Variants in KRABD3 observed in about 807,000 individuals in gnomAD.
KRABD3 encodes the protein KRAB domain-containing protein 3.
the KRABD3 span, chr7:149,728,772 A>T: frequency 7.3e-7 from 1 of 1,361,756 alleles, no homozygotes; most frequent in Non-Finnish European, 9.9e-7. Flanking sequence ...CTGAGCCAAC[A>T]TGGTGCTCTG....
At chr7:149,721,576 A>G in the KRABD3 span, 1 of 1,598,800 alleles carries the variant, frequency 6.3e-7, no homozygotes, top group East Asian at 2.3e-5. Flanking sequence ...CCAGCATTTC[A>G]AAAGCCCTGA....
chr7:149,719,548 G>T, the KRABD3 span: 1 of 1,579,446 alleles, frequency 6.3e-7, no homozygotes. The surrounding 1 kb of genome is among the most constrained non-coding windows in gnomAD (Gnocchi z 5.6). Context: ...GCCTGCAGGT[G>T]TCCATCACCT....
chr7:149,720,072 G>A, the KRABD3 span: 2 of 1,554,066 alleles, frequency 1.3e-6, no homozygotes. Flanking sequence ...GAGCTGTTGG[G>A]GGAGGGAGCC....
the KRABD3 span, chr7:149,730,302 C>T: frequency 6.5e-7 from 1 of 1,549,600 alleles, no homozygotes; most frequent in African/African-American, 1.4e-5. Context: ...AGGAGAAGAC[C>T]CGAGGCCAGA....
the KRABD3 span, among the ~76,000 whole-genome samples, chr7:149,728,050 G>C: frequency 2.6e-5 from 4 of 152,284 alleles, no homozygotes; most frequent in African/African-American, 9.6e-5. Flanking sequence ...GCTGTCACTG[G>C]AAATAGGATG....
chr7:149,719,450 C>A, the KRABD3 span: 1 of 1,316,026 alleles, frequency 7.6e-7, no homozygotes, highest in Non-Finnish European at 1.0e-6. The surrounding 1 kb of genome is among the most constrained non-coding windows in gnomAD (Gnocchi z 5.6). Flanking sequence ...CTGGAGTGTG[C>A]GCCTGGAGGC....
the KRABD3 span, chr7:149,731,584 A>C: frequency 2.1e-6 from 2 of 964,770 alleles, no homozygotes; most frequent in African/African-American, 3.3e-5. Context: ...TTAAAAGTTG[A>C]GAGTTTGATA....
the KRABD3 span, chr7:149,719,619 G>A: frequency 6.2e-7 from 1 of 1,609,056 alleles, no homozygotes; most frequent in Non-Finnish European, 8.5e-7. The surrounding 1 kb of genome is among the most constrained non-coding windows in gnomAD (Gnocchi z 5.6). Context: ...GAGGGGCAGA[G>A]GGAGTTCTAC....
At chr7:149,719,654 G>C in the KRABD3 span, 20 of 1,607,822 alleles carry the variant, frequency 1.2e-5, no homozygotes, top group African/African-American at 8.1e-5. The surrounding 1 kb of genome is among the most constrained non-coding windows in gnomAD (Gnocchi z 5.6). Context: ...GGAGAACTAC[G>C]AGACGCTGGT....
chr7:149,720,169 CG>C, the KRABD3 span: 1 of 1,548,380 alleles, frequency 6.5e-7, no homozygotes, highest in Non-Finnish European at 8.7e-7. Context: ...TCCCACTCAT[CG>C]GTCCTCAGCC....
At chr7:149,734,033 T>TG in the KRABD3 span, 27 of 1,605,554 alleles carry the variant, frequency 1.7e-5, no homozygotes, top group Non-Finnish European at 2.3e-5. Flanking sequence ...GGACCCGAGA[T>TG]GGGGGGCGCA....
chr7:149,721,966 C>G, the KRABD3 span: 1 of 370,872 alleles, frequency 2.7e-6, no homozygotes, highest in Non-Finnish European at 5.1e-6. Flanking sequence ...AAACTTCTCA[C>G]AAATTTTGCA....
chr7:149,730,654 G>T, the KRABD3 span: 2 of 1,470,782 alleles, frequency 1.4e-6, no homozygotes, highest in Admixed American at 4.2e-5. Flanking sequence ...CCTGCCTGTC[G>T]CTTTGCCTGG....
At chr7:149,732,617 T>A in the KRABD3 span, among the ~76,000 whole-genome samples, 30 of 147,854 alleles carry the variant, frequency 2.0e-4, no homozygotes, top group African/African-American at 6.6e-4. The surrounding 1 kb of genome is among the most constrained non-coding windows in gnomAD (Gnocchi z 4.0). Flanking sequence ...GATCTTTTTT[T>A]AAAAAAAACA....
chr7:149,734,180 C>T, the KRABD3 span: 16 of 1,286,412 alleles, frequency 1.2e-5, no homozygotes, highest in Non-Finnish European at 1.6e-5. Flanking sequence ...GAGCCTCGCC[C>T]TTTGTCCCAA....
chr7:149,720,459 G>A, the KRABD3 span, among the ~76,000 whole-genome samples: 1 of 152,244 alleles, frequency 6.6e-6, no homozygotes, highest in African/African-American at 2.4e-5. Flanking sequence ...CTCAGATGGT[G>A]GATGTGCTCC....
At chr7:149,730,041 C>G in the KRABD3 span, 572 of 1,401,570 alleles carry the variant, frequency 4.1e-4, 4 homozygotes, top group African/African-American at 7.3e-3. Context: ...GCATGCTGAT[C>G]GTGGGCTGAG....
the KRABD3 span, among the ~76,000 whole-genome samples, chr7:149,727,173 G>A: frequency 6.6e-6 from 1 of 152,088 alleles, no homozygotes; most frequent in African/African-American, 2.4e-5. Context: ...GAGTCCTCTT[G>A]GTCTGTGTTG....
chr7:149,721,107 AC>A, the KRABD3 span: 4 of 1,360,894 alleles, frequency 2.9e-6, no homozygotes, highest in African/African-American at 5.7e-5. Flanking sequence ...AGGCAGAGTC[AC>A]CTGCTGTTCC....
Sources: gnomAD v4.1 joint callset for allele counts (sites outside exome capture counted in the v4.1 genomes callset) on GRCh38, gnomAD v4.1.1 for gene constraint, Gnocchi (gnomAD v3.1) non-coding constraint, MANE v1.5 for transcripts, NCBI Gene and HGNC (gene_info 2026-07-23, HGNC 2026-07-21) for gene names.